The following CACNA2D1 variants were observed in gnomAD, a reference collection of about 807,000 sequenced individuals.
CACNA2D1 encodes voltage-dependent calcium channel subunit alpha-2/delta-1.
In CACNA2D1, 53 loss-of-function variants were observed where a neutral mutation model predicts 171.5. The ratio of observed to expected loss-of-function variants is 0.31; its 90% CI spans 0.25 to 0.39. The LOEUF is 0.39. Among genes scored for constraint, CACNA2D1 ranks in the 10% least tolerant of loss-of-function variants. The pLI is 1.00. For synonymous variants in CACNA2D1, 442 were observed against 443.1 expected, an observed-to-expected ratio of 1.00 and a Z score of 0.03; for missense variants, 903 against 1,299.8, an observed-to-expected ratio of 0.69 and a Z score of 4.69.
At chr7:82,282,683 T>C (rs1810267390) in intron 3 of CACNA2D1, among the ~76,000 whole-genome samples, 1 of 137,702 alleles carries the variant, frequency 7.3e-6, no homozygotes, top group Non-Finnish European at 1.5e-5. Context: ...CAAAGTGTTG[T>C]GTAAATAAAA....
intron 10 of CACNA2D1, among the ~76,000 whole-genome samples, chr7:82,048,211 G>A (rs1804771119): frequency 6.6e-6 from 1 of 151,936 alleles, no homozygotes. Context: ...GTTCCACTGA[G>A]ACAAATTATA....
chr7:82,384,228 T>TTCAAA (rs1824056293), intron 1 of CACNA2D1, among the ~76,000 whole-genome samples: 1 of 152,284 alleles, frequency 6.6e-6, no homozygotes, highest in Admixed American at 6.5e-5. Context: ...AAAATGTGTA[T>TTCAAA]GTTGAAACCC....
intron 13 of CACNA2D1, 85 bp downstream of exon 13, chr7:82,014,316 T>A: frequency 1.3e-6 from 1 of 748,156 alleles, no homozygotes; most frequent in Non-Finnish European, 2.4e-6. Context: ...AGCTACAATT[T>A]TAGCTTATTT....
At chr7:82,025,286 C>G (rs1354838907) in intron 12 of CACNA2D1, among the ~76,000 whole-genome samples, 3 of 151,584 alleles carry the variant, frequency 2.0e-5, no homozygotes, top group Non-Finnish European at 4.4e-5. Context: ...CATGAGATGT[C>G]TTTCCATTGG....
intron 3 of CACNA2D1, among the ~76,000 whole-genome samples, chr7:82,219,436 AT>A (rs1801517096): frequency 6.6e-6 from 1 of 152,114 alleles, no homozygotes; most frequent in South Asian, 2.1e-4. Flanking sequence ...TGTTTCCAAT[AT>A]TAACAAAAAA....
intron 2 of CACNA2D1, among the ~76,000 whole-genome samples, chr7:82,341,897 A>C (rs1460677715): frequency 3.3e-5 from 5 of 151,622 alleles, no homozygotes. Context: ...AATACAAAAA[A>C]AAAAAAATTA....
chr7:82,382,465 A>C (rs1823817622), intron 1 of CACNA2D1, among the ~76,000 whole-genome samples: 1 of 152,132 alleles, frequency 6.6e-6, no homozygotes, highest in Non-Finnish European at 1.5e-5. Context: ...TTCACTTCTG[A>C]CCTGCACCTG....
At chr7:82,348,269 C>A (rs562249123) in intron 2 of CACNA2D1, among the ~76,000 whole-genome samples, 1 of 152,276 alleles carries the variant, frequency 6.6e-6, no homozygotes, top group South Asian at 2.1e-4. Flanking sequence ...TCACTTACTA[C>A]CTACACACTT....
At chr7:82,339,747 T>C (rs2129444804) in intron 2 of CACNA2D1, among the ~76,000 whole-genome samples, 1 of 152,306 alleles carries the variant, frequency 6.6e-6, no homozygotes, top group East Asian at 1.9e-4. Context: ...TATTCAGATC[T>C]ACTGAGCAAT....
chr7:82,088,390 G>C (rs1173885078), intron 6 of CACNA2D1, among the ~76,000 whole-genome samples: 1 of 152,076 alleles, frequency 6.6e-6, no homozygotes. Context: ...TTATGAAACT[G>C]TATTTTTCAT....
At chr7:82,217,674 A>G (rs1426406182) in intron 3 of CACNA2D1, among the ~76,000 whole-genome samples, 1 of 149,994 alleles carries the variant, frequency 6.7e-6, no homozygotes, top group East Asian at 1.9e-4. Context: ...AATCTTTATC[A>G]TCATAATTGG....
intron 3 of CACNA2D1, among the ~76,000 whole-genome samples, chr7:82,173,371 A>T (rs1469409414): frequency 4.6e-5 from 7 of 152,082 alleles, no homozygotes; most frequent in Admixed American, 6.6e-5. Flanking sequence ...ATGTATACCA[A>T]AGAAGTTATG....
At position 82,131,038 on chromosome 7, in the gene CACNA2D1, G is replaced by A. The variant is rs535928844; in HGVS notation, c.396+5597C>T. 4.6e-5 allele frequency among the ~76,000 whole-genome samples: 7 copies of A among 152,134 alleles called. No homozygotes were observed. The South Asian group carries it at 6.2e-4, about 14-fold the overall frequency. On this transcript the variant is annotated intron_variant, in intron 5 of 38. Transcript: ENST00000356860. Reference sequence around the variant, plus strand: ...AGGATGGTCTCGATCTCTTGACCTCGTGATCTGCCTGCCTCAGCCTCCCAA... The same window carrying A: ...AGGATGGTCTCGATCTCTTGACCTCATGATCTGCCTGCCTCAGCCTCCCAA...
intron 1 of CACNA2D1, among the ~76,000 whole-genome samples, chr7:82,437,071 G>A (rs10234381): frequency 0.18 from 27,477 of 151,952 alleles, 3,360 homozygotes; most frequent in African/African-American, 0.34. Flanking sequence ...GAAATGTCTG[G>A]TGATAACAGG....
At chr7:82,378,896 T>C (rs1338125068) in intron 1 of CACNA2D1, among the ~76,000 whole-genome samples, 1 of 151,856 alleles carries the variant, frequency 6.6e-6, no homozygotes, top group Non-Finnish European at 1.5e-5. Context: ...TATTGTTCTT[T>C]CTGCTGCTGC....
At chr7:82,150,152 G>A (rs991621546) in intron 4 of CACNA2D1, among the ~76,000 whole-genome samples, 2 of 151,622 alleles carry the variant, frequency 1.3e-5, no homozygotes. Flanking sequence ...CGAGGCTTTG[G>A]TTCCTCCCCT....
At chr7:82,158,276 CCTTA>C (rs772700015) in intron 4 of CACNA2D1, among the ~76,000 whole-genome samples, 10 of 151,894 alleles carry the variant, frequency 6.6e-5, no homozygotes, top group African/African-American at 2.4e-4. Flanking sequence ...GTACTGCCCT[CCTTA>C]CTTAATAGTT....
chr7:82,309,745 CA>C lies in CACNA2D1; in HGVS notation c.294+25389del, dbSNP rs1039616883. ...TGTGTGTCCATGGCACGTGGCCCAC[CA>C]ACTGCCATGTTCACACCTCTGTCCT... On this transcript the variant is annotated intron_variant, in intron 3 of 38. Transcript: ENST00000356860. Among the ~76,000 whole-genome samples the C allele has an allele frequency of 9.5e-4, 145 of 152,202 alleles. 1 individual carries two copies. Among genetic ancestry groups the C allele is most frequent in the African/African-American group, 3.4e-3 (142 of 41,534 alleles).
chr7:82,192,454 TTGTGTTTGTGTGTGTGTGTG>T (rs1798403976), intron 3 of CACNA2D1, among the ~76,000 whole-genome samples: 1 of 94,708 alleles, frequency 1.1e-5, no homozygotes, highest in Admixed American at 1.0e-4. Context: ...GTATGTGTGT[TTGTGTTTGTGTGTGTGTGTG>T]TGTGTGTGTG....
Sources: allele counts gnomAD v4.1 joint callset (sites outside exome capture counted in the v4.1 genomes callset), GRCh38; gene constraint gnomAD v4.1.1; transcripts MANE v1.5; gene names NCBI Gene and HGNC (gene_info 2026-07-23, HGNC 2026-07-21).